Variants in SIK2 observed in about 807,000 individuals in gnomAD.
The protein encoded by SIK2 is salt inducible kinase 2.
In SIK2, 29 loss-of-function variants were observed where a neutral mutation model predicts 103.2. That is an observed-to-expected ratio of 0.28 (90% confidence interval 0.21 to 0.38). The LOEUF (loss-of-function observed/expected upper bound fraction) is 0.38, where lower values mean the gene tolerates loss of function less well. Ranked by LOEUF, SIK2 falls within the 10% of genes least tolerant of loss-of-function variation. The probability of loss-of-function intolerance (pLI) is 1.00; values close to 1 mark genes in which losing one functional copy is unlikely to be tolerated. For synonymous variants in SIK2, 412 were observed against 446.1 expected, an observed-to-expected ratio of 0.92 and a Z score of 0.96; for missense variants, 879 against 1,171.0, an observed-to-expected ratio of 0.75 and a Z score of 3.64.
chr11:111,703,759 G>A (rs986982023), intron 7 of SIK2, among the ~76,000 whole-genome samples: 1 of 152,180 alleles, frequency 6.6e-6, no homozygotes, highest in Non-Finnish European at 1.5e-5. Context: ...TGTATGGAAT[G>A]TAAATGTGCA....
chr11:111,643,930 C>T (rs1942217190), intron 3 of SIK2, among the ~76,000 whole-genome samples: 3 of 152,116 alleles, frequency 2.0e-5, no homozygotes, highest in African/African-American at 7.2e-5. Flanking sequence ...CTACAGTGAG[C>T]TGTGATTGTG....
At chr11:111,712,396 C>G in intron 9 of SIK2, 21 bp downstream of exon 9, 1 of 1,603,606 alleles carries the variant, frequency 6.2e-7, no homozygotes, top group Non-Finnish European at 8.5e-7. Flanking sequence ...GTTTGAGAGT[C>G]TCAGAACTGG....
intron 3 of SIK2, among the ~76,000 whole-genome samples, chr11:111,635,347 GAAAGAA>G (rs757641834): frequency 5.5e-4 from 79 of 144,116 alleles, no homozygotes; most frequent in Non-Finnish European, 1.1e-3. Flanking sequence ...GGGGAAAAAA[GAAAGAA>G]AGAGAAAGAG....
At chr11:111,709,771 T>G (rs558987125) in intron 8 of SIK2, among the ~76,000 whole-genome samples, 2 of 152,328 alleles carry the variant, frequency 1.3e-5, no homozygotes, top group South Asian at 2.1e-4. Context: ...AGGAAGTGAT[T>G]GTCACAACAA....
chr11:111,637,616 C>T (rs1410293375), intron 3 of SIK2, among the ~76,000 whole-genome samples: 1 of 151,886 alleles, frequency 6.6e-6, no homozygotes, highest in Non-Finnish European at 1.5e-5. Flanking sequence ...CCCACCACCA[C>T]GCCTGGCTGA....
At chr11:111,648,462 A>G (rs1197974985) in intron 3 of SIK2, among the ~76,000 whole-genome samples, 1 of 152,084 alleles carries the variant, frequency 6.6e-6, no homozygotes, top group African/African-American at 2.4e-5. Context: ...AATGGGCACT[A>G]ATCCTGAACA....
At chr11:111,641,165 T>G (rs1416317335) in intron 3 of SIK2, among the ~76,000 whole-genome samples, 1 of 152,210 alleles carries the variant, frequency 6.6e-6, no homozygotes, top group African/African-American at 2.4e-5. Flanking sequence ...TTTAAGACCA[T>G]TGTCTATCTC....
chr11:111,636,777 A>G (rs1158057639), intron 3 of SIK2, among the ~76,000 whole-genome samples: 1 of 152,238 alleles, frequency 6.6e-6, no homozygotes, highest in East Asian at 1.9e-4. Flanking sequence ...TAACTTGGAA[A>G]TAATTTTCTT....
chr11:111,694,457 C>G (rs1354095261), intron 4 of SIK2, among the ~76,000 whole-genome samples: 1 of 152,098 alleles, frequency 6.6e-6, no homozygotes, highest in African/African-American at 2.4e-5. Flanking sequence ...TGATTTGAGG[C>G]AGTGGCCCAT....
intron 9 of SIK2, among the ~76,000 whole-genome samples, chr11:111,714,596 C>G (rs183117551): frequency 2.6e-5 from 4 of 152,250 alleles, no homozygotes; most frequent in Admixed American, 6.5e-5. Context: ...AATTGATAGA[C>G]TATTAAGGTC....
chr11:111,640,851 C>G (rs1348576169), intron 3 of SIK2, among the ~76,000 whole-genome samples: 2 of 149,496 alleles, frequency 1.3e-5, no homozygotes, highest in Non-Finnish European at 3.0e-5. Context: ...TCTTCTGCCT[C>G]AGCCTTCCGA....
chr11:111,667,871 A>G (rs1449383159), intron 3 of SIK2, among the ~76,000 whole-genome samples: 1 of 152,184 alleles, frequency 6.6e-6, no homozygotes, highest in Admixed American at 6.5e-5. Flanking sequence ...ATCTTGTGGC[A>G]TATAAATAAA....
chr11:111,610,502 AAGATAACAAAC>A (rs1591585680), intron 1 of SIK2, among the ~76,000 whole-genome samples: 1 of 152,006 alleles, frequency 6.6e-6, no homozygotes, highest in East Asian at 1.9e-4. Flanking sequence ...AAAAAAAAAA[AAGATAACAAAC>A]AGTTTGAAAA....
chr11:111,667,166 C>G (rs2135876696), intron 3 of SIK2, among the ~76,000 whole-genome samples: 1 of 151,842 alleles, frequency 6.6e-6, no homozygotes, highest in South Asian at 2.1e-4. Flanking sequence ...CCAGGCTGGT[C>G]TCAAACTGCT....
intron 3 of SIK2, among the ~76,000 whole-genome samples, chr11:111,634,335 C>T (rs1942077526): frequency 6.6e-6 from 1 of 152,146 alleles, no homozygotes; most frequent in Non-Finnish European, 1.5e-5. Context: ...TGGTTAATAT[C>T]TTCACAGCCT....
chr11:111,702,144 G>A (rs1943225633), intron 6 of SIK2, among the ~76,000 whole-genome samples: 1 of 152,174 alleles, frequency 6.6e-6, no homozygotes, highest in Non-Finnish European at 1.5e-5. Flanking sequence ...CAGACTACCA[G>A]ACTGCCTGGT....
intron 3 of SIK2, among the ~76,000 whole-genome samples, chr11:111,642,808 C>G (rs1219487448): frequency 1.3e-5 from 2 of 152,142 alleles, no homozygotes; most frequent in South Asian, 4.1e-4. Context: ...AGCATAAACT[C>G]TAGTGTGGTT....
chr11:111,700,934 G>C lies in SIK2; in HGVS notation c.527G>C (p.Trp176Ser). The C allele has an allele frequency of 1.2e-6, 2 of 1,614,054 alleles. No individual in the cohort carries two copies. Among genetic ancestry groups the C allele is most frequent in the Non-Finnish European group, 1.7e-6 (2 of 1,179,970 alleles). Residue 176 changes from tryptophan (W) to serine (S), a missense_variant, in exon 5 of 15, where the codon TGG becomes TCG. Transcript: ENST00000304987. The part of the protein sequence containing the change: ...FFKSGELLAT[W>S]CGSPPYAAPE... ...AAAAGTGGTGAACTGCTGGCAACAT[G>C]GTGTGGCAGCCCCCCTTATGCAGCC...
chr11:111,713,242 T>C (rs1473536264), intron 9 of SIK2, among the ~76,000 whole-genome samples: 1 of 152,234 alleles, frequency 6.6e-6, no homozygotes, highest in Non-Finnish European at 1.5e-5. Flanking sequence ...AGATGACAGC[T>C]TCTCTCATTC....
Sources: allele counts gnomAD v4.1 joint callset (sites outside exome capture counted in the v4.1 genomes callset), GRCh38; gene constraint gnomAD v4.1.1; transcripts MANE v1.5; gene names NCBI Gene and HGNC (gene_info 2026-07-23, HGNC 2026-07-21).